The following C5orf22 variants were observed in gnomAD, a reference collection of about 807,000 sequenced individuals.
The protein encoded by C5orf22 is chromosome 5 open reading frame 22.
In C5orf22, 36 loss-of-function variants were observed where a neutral mutation model predicts 48.7. That is an observed-to-expected ratio of 0.74 (90% CI 0.57 to 0.98). C5orf22 has a LOEUF of 0.98. Ranked by LOEUF, C5orf22 falls within the 50% of genes least tolerant of loss-of-function variation. C5orf22 has a pLI of 0.00. For synonymous variants in C5orf22, 141 were observed against 180.8 expected, an observed-to-expected ratio of 0.78 and a Z score of 1.76; for missense variants, 486 against 521.9, an observed-to-expected ratio of 0.93 and a Z score of 0.67.
chr5:31,540,566 G>A (rs1742391739), intron 4 of C5orf22, among the ~76,000 whole-genome samples: 2 of 152,100 alleles, frequency 1.3e-5, no homozygotes, highest in Non-Finnish European at 2.9e-5. Context: ...TATATTTCCT[G>A]TAAACAGCTA....
chr5:31,546,132 A>G (rs559510292), intron 7 of C5orf22, among the ~76,000 whole-genome samples: 16 of 152,294 alleles, frequency 1.1e-4, no homozygotes, highest in African/African-American at 3.1e-4. Context: ...CAAAGAAAAA[A>G]GAGAGAGCTG....
chr5:31,532,565 G>A (rs1031483437), intron 1 of C5orf22, 92 bp downstream of exon 1: 2 of 1,132,084 alleles, frequency 1.8e-6, no homozygotes, highest in Non-Finnish European at 1.3e-6. Flanking sequence ...AGCATCGGAG[G>A]CCAGAGAGTT....
chr5:31,534,865 C>CCT (rs1329619256), intron 2 of C5orf22: 4 of 371,202 alleles, frequency 1.1e-5, no homozygotes, highest in Non-Finnish European at 2.1e-5. Flanking sequence ...GCAACATAAC[C>CCT]AGACCCCATC....
At position 31,553,028 on chromosome 5, in the gene C5orf22, A is replaced by G. The variant is rs1743382732; in HGVS notation, c.*126A>G. 1.1e-6 allele frequency: 1 copy of G among 922,004 alleles called. No individual in the cohort carries two copies. The highest frequency in any genetic ancestry group is 2.2e-5 in the South Asian group (1 of 46,106). 57.1% of individuals were successfully genotyped at this position (922,004 alleles called of 1,614,324 possible). On this transcript the variant is annotated 3_prime_UTR_variant, in exon 9 of 9. Coordinates refer to ENST00000325366, the MANE Select transcript of C5orf22 (RefSeq NM_018356.3). ...AACTTTCAGTTGAAATCTTTCAGAT[A>G]TTTTGAATCTCTGAACAACCATTGT...
At chr5:31,539,283 G>A (rs1478135922) in intron 4 of C5orf22, among the ~76,000 whole-genome samples, 1 of 152,180 alleles carries the variant, frequency 6.6e-6, no homozygotes, top group Non-Finnish European at 1.5e-5. Flanking sequence ...AGGGACTTGA[G>A]CATCCACAGA....
chr5:31,541,109 TG>T, intron 5 of C5orf22, 98 bp downstream of exon 5: 1 of 204,076 alleles, frequency 4.9e-6, no homozygotes, highest in South Asian at 6.4e-5. Flanking sequence ...GCTCAAAGTG[TG>T]TGTGTGTGTG....
chr5:31,535,937 C>T (rs755794204), intron 3 of C5orf22, 44 bp downstream of exon 3: 13 of 1,585,460 alleles, frequency 8.2e-6, no homozygotes, highest in African/African-American at 6.8e-5. Flanking sequence ...TTGAATGTTT[C>T]TATCTTATTT....
In C5orf22 at chr5:31,532,334, C is replaced by T. The variant is rs1032653494; in HGVS notation, c.-59C>T. 14 of 1,576,400 alleles carry T rather than the reference C, an allele frequency of 8.9e-6. No homozygotes were observed. Among genetic ancestry groups the T allele is most frequent in the Middle Eastern group, 1.7e-4 (1 of 5,804 alleles). On this transcript the variant is annotated 5_prime_UTR_variant, in exon 1 of 9. Transcript: ENST00000325366. ...AGAGCTGGCCGGGATGAGGCGCCGG[C>T]TTTCCCGGGTCTTCTCCAGCTGCCA...
At chr5:31,532,750 G>A (rs1168816029) in intron 1 of C5orf22, among the ~76,000 whole-genome samples, 1 of 151,850 alleles carries the variant, frequency 6.6e-6, no homozygotes, top group East Asian at 1.9e-4. Flanking sequence ...ATTCGAAACC[G>A]GACAGTCTGG....
rs371142316 is a variant in C5orf22, at chr5:31,551,910, C to T, written c.1199+478C>T. On this transcript the variant is annotated intron_variant, in intron 8 of 8. Coordinates refer to ENST00000325366, the MANE Select transcript of C5orf22 (RefSeq NM_018356.3). The stretch of plus-strand genomic sequence containing the variant: ...TAATACAATCTCTGTAGGTAAATAA[C>T]CTGGTCACTAGAGCGTAAAATGAGT... 3.9e-5 allele frequency among the ~76,000 whole-genome samples: 6 copies of T among 152,116 alleles called. No individual in the cohort carries two copies. In the East Asian group the frequency reaches 7.7e-4, roughly 20 times the overall value.
chr5:31,552,453 C>G (rs548202758), intron 8 of C5orf22, among the ~76,000 whole-genome samples: 1 of 152,200 alleles, frequency 6.6e-6, no homozygotes, highest in Admixed American at 6.5e-5. Context: ...CAACATCTCA[C>G]TTTCAGGCAA....
In C5orf22 at chr5:31,541,072, C is replaced by A. The variant is rs1742427295; in HGVS notation, c.870+61C>A. On this transcript the variant is annotated intron_variant, in intron 5 of 8. Transcript: ENST00000325366. ...TTATCATATAACTAATAATATCTTG[C>A]AAATTACCACAGTGATCTCAAAGAC... The A allele has an allele frequency of 2.3e-6, 3 of 1,313,652 alleles. No homozygotes were observed. The East Asian group carries it at 6.9e-5, about 30-fold the overall frequency. The allele number at this position is 1,313,652 out of a possible 1,614,324, so 81.4% of individuals were successfully genotyped here.
rs769284735 is a variant in C5orf22 at position 31,552,938 on chromosome 5, T to C, written c.*36T>C. The C allele has an allele frequency of 6.9e-6, 11 of 1,602,556 alleles. No homozygotes were observed. Among genetic ancestry groups the C allele is most frequent in the Middle Eastern group, 1.7e-4 (1 of 6,018 alleles). On this transcript the variant is annotated 3_prime_UTR_variant, in exon 9 of 9. Transcript: ENST00000325366. ...ACATTAGGCTCCTGTTGTATCTTGG[T>C]TTAGTAACAGGCCCTTAATTAACTT...
chr5:31,552,741 A>C (rs1743360808), intron 8 of C5orf22, 32 bp from the exon 9 acceptor site: 2 of 1,601,242 alleles, frequency 1.2e-6, no homozygotes, highest in Non-Finnish European at 1.7e-6. Context: ...TCCTATGTGT[A>C]TTTTTCTTCT....
intron 2 of C5orf22, chr5:31,534,999 T>C (rs1316934056): frequency 4.4e-6 from 2 of 454,998 alleles, no homozygotes; most frequent in East Asian, 1.4e-4. Context: ...ATTTAGTCCA[T>C]TGCCATATGC....
At chr5:31,535,978 G>A in intron 3 of C5orf22, 85 bp downstream of exon 3, 1 of 1,353,502 alleles carries the variant, frequency 7.4e-7, no homozygotes, top group Non-Finnish European at 1.0e-6. Context: ...ATAAGTCTCT[G>A]CACACAAATA....
At chr5:31,540,768 T>A in intron 4 of C5orf22, 181 bp from the exon 5 acceptor site, 1 of 550,702 alleles carries the variant, frequency 1.8e-6, no homozygotes, top group Non-Finnish European at 3.2e-6. Context: ...ATATTTACAA[T>A]AAAATTATTA....
intron 8 of C5orf22, among the ~76,000 whole-genome samples, chr5:31,551,876 G>A (rs1334784451): frequency 6.6e-6 from 1 of 152,196 alleles, no homozygotes; most frequent in African/African-American, 2.4e-5. Context: ...TATAGCAGCA[G>A]TAGGAAACTA....
chr5:31,539,169 A>T (rs774943235), intron 4 of C5orf22, among the ~76,000 whole-genome samples: 31 of 152,258 alleles, frequency 2.0e-4, no homozygotes, highest in Non-Finnish European at 1.5e-5. Flanking sequence ...AACTATTTAC[A>T]TAGGATTTAC....
Sources: allele counts gnomAD v4.1 joint callset (sites outside exome capture counted in the v4.1 genomes callset), GRCh38; gene constraint gnomAD v4.1.1; transcripts MANE v1.5; gene names NCBI Gene and HGNC (gene_info 2026-07-23, HGNC 2026-07-21).